WWC2: variants seen among roughly 807,000 people sequenced by gnomAD.
WWC2 encodes WW and C2 domain containing 2.
WWC2 carries 101 observed loss-of-function variants against 138.5 expected under a neutral mutation model. The observed-to-expected ratio is 0.73, with a 90% CI of 0.62 to 0.86. WWC2 has a LOEUF of 0.86. Ranked by LOEUF, WWC2 falls within the 40% of genes least tolerant of loss-of-function variation. The pLI is 0.00. For missense variants in WWC2, 1,420 were observed against 1,419.4 expected, an observed-to-expected ratio of 1.00 and a Z score of -0.01; for synonymous variants, 558 against 538.4, an observed-to-expected ratio of 1.04 and a Z score of -0.50.
intron 4 of WWC2, among the ~76,000 whole-genome samples, chr4:183,215,563 G>A (rs563986854): frequency 6.6e-6 from 1 of 152,308 alleles, no homozygotes; most frequent in Admixed American, 6.5e-5. Flanking sequence ...GCACAGTAGT[G>A]TCTTCTTTCA....
intron 8 of WWC2, among the ~76,000 whole-genome samples, chr4:183,252,092 A>G (rs541312868): frequency 1.1e-4 from 16 of 152,304 alleles, no homozygotes; most frequent in Non-Finnish European, 1.8e-4. Flanking sequence ...ATGCAATTTT[A>G]TTTTTAATTA....
chr4:183,299,917 G>C (rs1009600972), intron 21 of WWC2, among the ~76,000 whole-genome samples: 1 of 152,082 alleles, frequency 6.6e-6, no homozygotes, highest in Non-Finnish European at 1.5e-5. Flanking sequence ...TGCCTCCCTT[G>C]TCAAGGAAAA....
rs557644838 is a variant in WWC2, at chr4:183,250,092, A to G, written c.953+99A>G. Reference sequence around the variant, plus strand: ...GACATCTGCTGGGCACTCCCCATACATTCTTACCAAGGCCACCCTTCGGTT... The same window carrying G: ...GACATCTGCTGGGCACTCCCCATACGTTCTTACCAAGGCCACCCTTCGGTT... On this transcript the variant is annotated intron_variant, in intron 8 of 22. Transcript: ENST00000403733. 31 of 1,092,110 alleles carry G rather than the reference A, an allele frequency of 2.8e-5. No individual in the cohort carries two copies. The South Asian group carries it at 4.6e-4, about 16-fold the overall frequency. The allele number at this position is 1,092,110 out of a possible 1,614,324, so 67.7% of individuals were successfully genotyped here. A position where few individuals can be genotyped will look rare whatever the true frequency, so the allele number is the denominator to read the frequency against.
intron 20 of WWC2, among the ~76,000 whole-genome samples, chr4:183,286,412 G>A (rs376655740): frequency 2.0e-5 from 3 of 152,236 alleles, no homozygotes; most frequent in South Asian, 4.2e-4. Context: ...TTGTGGGAAG[G>A]GGTGTAAGAC....
At chr4:183,118,746 A>G (rs146678799) in intron 1 of WWC2, among the ~76,000 whole-genome samples, 1 of 152,310 alleles carries the variant, frequency 6.6e-6, no homozygotes, top group East Asian at 1.9e-4. Context: ...CATTGACAAA[A>G]CATTCCTAAA....
At chr4:183,240,368 A>G (rs532614186) in intron 5 of WWC2, 106 bp downstream of exon 5, 14 of 805,324 alleles carry the variant, frequency 1.7e-5, no homozygotes, top group Middle Eastern at 4.0e-4. Flanking sequence ...AAAGAAACGT[A>G]AAGTAAAAAA....
intron 1 of WWC2, among the ~76,000 whole-genome samples, chr4:183,168,334 A>G (rs1349210459): frequency 2.6e-5 from 4 of 152,166 alleles, no homozygotes; most frequent in Non-Finnish European, 5.9e-5. Context: ...TGGGAAAATA[A>G]GATATAAATT....
At chr4:183,288,826 G>A (rs1407312102) in intron 20 of WWC2, among the ~76,000 whole-genome samples, 1 of 152,236 alleles carries the variant, frequency 6.6e-6, no homozygotes, top group Admixed American at 6.5e-5. Flanking sequence ...GGAGGAGATA[G>A]TCAAAACTTA....
intron 19 of WWC2, 82 bp from the exon 20 acceptor site, chr4:183,285,885 T>C (rs1012774016): frequency 1.1e-5 from 14 of 1,285,444 alleles, no homozygotes; most frequent in East Asian, 1.0e-4. Flanking sequence ...CCTGCTTTAC[T>C]TGGTAAATGT....
At chr4:183,179,572 AG>A (rs1392083523) in intron 1 of WWC2, among the ~76,000 whole-genome samples, 2 of 152,038 alleles carry the variant, frequency 1.3e-5, no homozygotes, top group Non-Finnish European at 2.9e-5. Context: ...GTTGACGGAG[AG>A]GGGGCCATCA....
chr4:183,243,786 TGTGTGC>T (rs1736688169), intron 5 of WWC2, among the ~76,000 whole-genome samples: 1 of 146,342 alleles, frequency 6.8e-6, no homozygotes, highest in South Asian at 2.1e-4. Context: ...TGTGTGTGTG[TGTGTGC>T]ATGTGTTTAA....
intron 14 of WWC2, 101 bp from the exon 15 acceptor site, chr4:183,268,870 G>A (rs553143337): frequency 1.6e-4 from 198 of 1,240,536 alleles, no homozygotes; most frequent in Non-Finnish European, 2.0e-4. Context: ...TGAACTCCAC[G>A]ATCCCTCATT....
At chr4:183,304,080 T>G (rs1167117720) in intron 21 of WWC2, among the ~76,000 whole-genome samples, 1 of 152,106 alleles carries the variant, frequency 6.6e-6, no homozygotes, top group Non-Finnish European at 1.5e-5. Flanking sequence ...ATAAGGAGTT[T>G]GAAGTCTTCA....
At chr4:183,288,206 G>A (rs1266484152) in intron 20 of WWC2, among the ~76,000 whole-genome samples, 1 of 152,112 alleles carries the variant, frequency 6.6e-6, no homozygotes, top group Non-Finnish European at 1.5e-5. Flanking sequence ...AAGAACAGGA[G>A]GACACAATAA....
rs1437390853 is a variant in WWC2, at chr4:183,290,071, A to G, written c.3384+436A>G. Among the ~76,000 whole-genome samples, 6 of 152,132 alleles carry G rather than the reference A, an allele frequency of 3.9e-5. No homozygotes were observed. The South Asian group carries it at 6.2e-4, about 16-fold the overall frequency. On this transcript the variant is annotated intron_variant, in intron 21 of 22. Coordinates refer to ENST00000403733, the MANE Select transcript of WWC2 (RefSeq NM_024949.6). ...TTTTTAAGGTTCATTAACCACATCA[A>G]TTGTGAAATACATTGCTAATTTTAA...
chr4:183,163,886 C>T (rs889741145), intron 1 of WWC2, among the ~76,000 whole-genome samples: 3 of 151,868 alleles, frequency 2.0e-5, no homozygotes, highest in African/African-American at 7.3e-5. Flanking sequence ...AATAAGGTGG[C>T]AAGATTAATG....
intron 1 of WWC2, among the ~76,000 whole-genome samples, chr4:183,156,077 A>C (rs1733795534): frequency 6.6e-6 from 1 of 150,568 alleles, no homozygotes; most frequent in Non-Finnish European, 1.5e-5. Flanking sequence ...CCCAGATTGG[A>C]GTACAGTGGC....
intron 1 of WWC2, among the ~76,000 whole-genome samples, chr4:183,174,009 G>A (rs1247515916): frequency 2.0e-5 from 3 of 152,062 alleles, no homozygotes; most frequent in Admixed American, 6.5e-5. Context: ...TTTTCTCTTG[G>A]TCTGGTCAGT....
At chr4:183,188,035 T>C (rs953881568) in intron 1 of WWC2, among the ~76,000 whole-genome samples, 6 of 152,190 alleles carry the variant, frequency 3.9e-5, no homozygotes, top group Non-Finnish European at 8.8e-5. Context: ...CTGAAAAAAT[T>C]AGTATGTCAC....
Sources: gnomAD v4.1 joint callset for allele counts (sites outside exome capture counted in the v4.1 genomes callset) on GRCh38, gnomAD v4.1.1 for gene constraint, MANE v1.5 for transcripts, NCBI Gene and HGNC (gene_info 2026-07-23, HGNC 2026-07-21) for gene names.